LAMA2: variants seen among roughly 807,000 people sequenced by gnomAD.
The protein encoded by LAMA2 is laminin subunit alpha-2.
LAMA2 carries 269 observed loss-of-function variants against 364.8 expected under a neutral mutation model. The observed-to-expected ratio is 0.74, with a 90% CI of 0.67 to 0.82. The LOEUF is 0.82. Ranked by LOEUF, LAMA2 falls within the 40% of genes least tolerant of loss-of-function variation. LAMA2 has a pLI of 0.00. For synonymous variants in LAMA2, 1,379 were observed against 1,370.6 expected (o/e 1.01, Z -0.14); for missense variants, 3,807 against 3,873.2 (o/e 0.98, Z 0.45).
intron 1 of LAMA2, among the ~76,000 whole-genome samples, chr6:128,964,928 A>G (rs73773596): frequency 0.01 from 1,543 of 152,116 alleles, 32 homozygotes; most frequent in African/African-American, 0.035. Context: ...CTGGCTTGGT[A>G]GTTTCCAGTT....
In LAMA2 at chr6:129,039,787, C is replaced by A. The variant is rs1786956928; in HGVS notation, c.113-10131C>A. Among the ~76,000 whole-genome samples, 3 of 152,284 alleles carry A rather than the reference C, an allele frequency of 2.0e-5. No homozygotes were observed. The South Asian group carries it at 6.2e-4, about 32-fold the overall frequency. ...CGCATGCACAGTTCACAATATGGTT[C>A]ACGTTCCTGTGAGAGTCTAATGCTG... On this transcript the variant is annotated intron_variant, in intron 1 of 64. Coordinates refer to ENST00000421865, the MANE Select transcript of LAMA2 (RefSeq NM_000426.4).
intron 1 of LAMA2, among the ~76,000 whole-genome samples, chr6:128,987,223 C>T (rs1318020961): frequency 1.4e-5 from 2 of 141,754 alleles, no homozygotes; most frequent in African/African-American, 5.0e-5. Context: ...ACTGTAAACT[C>T]TTGCTTCCCA....
intron 18 of LAMA2, among the ~76,000 whole-genome samples, chr6:129,285,192 A>G (rs1470492601): frequency 6.6e-6 from 1 of 152,134 alleles, no homozygotes; most frequent in Non-Finnish European, 1.5e-5. Flanking sequence ...CCCTCAAATT[A>G]CTTTTTAATT....
chr6:129,395,873 T>G (rs1010538812), intron 37 of LAMA2, among the ~76,000 whole-genome samples: 2 of 152,120 alleles, frequency 1.3e-5, no homozygotes, highest in African/African-American at 4.8e-5. Flanking sequence ...AATGACATTT[T>G]GGGGGAAAGT....
intron 1 of LAMA2, among the ~76,000 whole-genome samples, chr6:128,979,420 T>G (rs1367391653): frequency 6.6e-6 from 1 of 152,090 alleles, no homozygotes; most frequent in Non-Finnish European, 1.5e-5. Context: ...AAATATGGAC[T>G]GCTTTGATTT....
intron 40 of LAMA2, among the ~76,000 whole-genome samples, chr6:129,406,069 T>A (rs1780234174): frequency 6.6e-6 from 1 of 152,032 alleles, no homozygotes; most frequent in South Asian, 2.1e-4. Context: ...GGTCAGACAA[T>A]TTGAGAAGAA....
At chr6:129,457,848 G>A (rs1478168386) in intron 48 of LAMA2, among the ~76,000 whole-genome samples, 5 of 152,024 alleles carry the variant, frequency 3.3e-5, no homozygotes, top group African/African-American at 1.2e-4. Flanking sequence ...ATAGAAGGAG[G>A]CTTCTTGCTG....
chr6:129,324,092 T>C (rs956853811), intron 28 of LAMA2, among the ~76,000 whole-genome samples: 2 of 152,350 alleles, frequency 1.3e-5, no homozygotes, highest in East Asian at 3.9e-4. Context: ...CCAAAGTCTC[T>C]GTTTTCATGT....
Position 128,994,703 on chromosome 6 carries a change from C to G in LAMA2, c.113-55215C>G, listed in dbSNP as rs553692348. Among the ~76,000 whole-genome samples, 118 of 152,128 alleles carry G rather than the reference C, an allele frequency of 7.8e-4. 1 individual carries two copies. The highest frequency in any genetic ancestry group is 2.7e-3 in the African/African-American group (113 of 41,502). ...AAAGTATACTCCTGGATTTGGTTTT[C>G]TGGGCAGAGAAAATTAAAAACTTTA... is the stretch of plus-strand genomic sequence containing the variant. On this transcript the variant is annotated intron_variant, in intron 1 of 64. Coordinates refer to ENST00000421865, the MANE Select transcript of LAMA2 (RefSeq NM_000426.4).
intron 60 of LAMA2, among the ~76,000 whole-genome samples, chr6:129,504,012 C>T (rs1414590551): frequency 1.3e-5 from 2 of 152,164 alleles, no homozygotes; most frequent in Non-Finnish European, 2.9e-5. Flanking sequence ...TGTCTCTGCA[C>T]CTGCGATAGC....
chr6:128,960,610 T>G (rs917759429), intron 1 of LAMA2, among the ~76,000 whole-genome samples: 2 of 152,232 alleles, frequency 1.3e-5, no homozygotes, highest in South Asian at 2.1e-4. Context: ...TCCACCCGCC[T>G]GGTCCTCCCA....
chr6:129,505,406 A>G, intron 61 of LAMA2, 51 bp downstream of exon 61: 1 of 1,486,752 alleles, frequency 6.7e-7, no homozygotes, highest in Non-Finnish European at 9.4e-7. Flanking sequence ...TGATTCATTT[A>G]TTGATATATT....
At chr6:129,434,519 A>C (rs1406971122) in intron 41 of LAMA2, among the ~76,000 whole-genome samples, 1 of 152,168 alleles carries the variant, frequency 6.6e-6, no homozygotes, top group Non-Finnish European at 1.5e-5. Flanking sequence ...AAGGAGAGGG[A>C]ATCTAGAAAA....
At chr6:129,218,754 G>C (rs1225474714) in intron 12 of LAMA2, among the ~76,000 whole-genome samples, 1 of 152,066 alleles carries the variant, frequency 6.6e-6, no homozygotes, top group East Asian at 1.9e-4. Flanking sequence ...AAACATTTCA[G>C]TGTTGTTCAT....
At chr6:129,505,698 C>T (rs1006821492) in intron 61 of LAMA2, among the ~76,000 whole-genome samples, 33 of 151,848 alleles carry the variant, frequency 2.2e-4, no homozygotes, top group African/African-American at 7.5e-4. Flanking sequence ...TTAATAGAGA[C>T]GGGGTGTACT....
At chr6:129,340,830 C>CAAAAAAAAAAAAAAAAAAAAAAAGGAAA (rs34264921) in intron 29 of LAMA2, among the ~76,000 whole-genome samples, 1 of 59,586 alleles carries the variant, frequency 1.7e-5, no homozygotes, top group Admixed American at 1.9e-4. Flanking sequence ...AGCTCTGTCT[C>CAAAAAAAAAAAAAAAAAAAAAAAGGAAA]AAAAAAAAAA....
At chr6:129,143,843 A>C (rs1778265773) in intron 4 of LAMA2, 58 bp from the exon 5 acceptor site, 4 of 1,278,964 alleles carry the variant, frequency 3.1e-6, no homozygotes, top group Middle Eastern at 4.0e-4. Flanking sequence ...AAAAGAAACA[A>C]AATCAATATT....
At chr6:128,973,475 A>G (rs1782326109) in intron 1 of LAMA2, among the ~76,000 whole-genome samples, 1 of 152,184 alleles carries the variant, frequency 6.6e-6, no homozygotes, top group Admixed American at 6.5e-5. Context: ...GCCTCTTTTG[A>G]CATTATTTTG....
chr6:128,987,956 C>T (rs140985319), intron 1 of LAMA2, among the ~76,000 whole-genome samples: 300 of 152,282 alleles, frequency 2.0e-3, no homozygotes, highest in African/African-American at 6.9e-3. Flanking sequence ...CTCACTGCAA[C>T]CTCTGCCTGC....
Sources: gnomAD v4.1 joint callset for allele counts (sites outside exome capture counted in the v4.1 genomes callset) on GRCh38, gnomAD v4.1.1 for gene constraint, MANE v1.5 for transcripts, NCBI Gene and HGNC (gene_info 2026-07-23, HGNC 2026-07-21) for gene names.